The following EXOC1 variants were observed in gnomAD, a reference collection of about 807,000 sequenced individuals.
EXOC1 encodes the protein SEC3-like 1.
A neutral mutation model predicts 107.7 loss-of-function variants in EXOC1; 67 were observed. The ratio of observed to expected loss-of-function variants is 0.62; its 90% CI spans 0.51 to 0.76. The LOEUF is 0.76. Ranked by LOEUF, EXOC1 falls within the 30% of genes least tolerant of loss-of-function variation. The pLI is 0.00. For missense variants in EXOC1, 833 were observed against 1,055.7 expected (o/e 0.79, Z 2.92); for synonymous variants, 348 against 353.5 (o/e 0.98, Z 0.17).
At chr4:55,858,267 G>C in intron 1 of EXOC1, 47 bp from the exon 2 acceptor site, 1 of 1,507,130 alleles carries the variant, frequency 6.6e-7, no homozygotes. Context: ...GTATAAGATG[G>C]AATGATGTTG....
intron 1 of EXOC1, among the ~76,000 whole-genome samples, chr4:55,854,427 G>C (rs1720768473): frequency 6.6e-6 from 1 of 152,044 alleles, no homozygotes; most frequent in Non-Finnish European, 1.5e-5. Context: ...TCAGATATGG[G>C]TTCTCAGACC....
At chr4:55,894,809 A>G (rs559430657) in intron 15 of EXOC1, among the ~76,000 whole-genome samples, 2 of 151,898 alleles carry the variant, frequency 1.3e-5, no homozygotes, top group African/African-American at 4.8e-5. Context: ...TTTAGTAGAG[A>G]TGGGGTTTCT....
chr4:55,877,276 G>A, intron 8 of EXOC1: 1 of 985,320 alleles, frequency 1.0e-6, no homozygotes. Flanking sequence ...TTCACAAAAT[G>A]CTGACAAATA....
chr4:55,862,906 G>C (rs1457566609), intron 3 of EXOC1, among the ~76,000 whole-genome samples: 2 of 152,026 alleles, frequency 1.3e-5, no homozygotes, highest in Non-Finnish European at 2.9e-5. Context: ...TTGTTTGTCT[G>C]CTTGTTTGTT....
chr4:55,874,782 T>C (rs530597978), intron 8 of EXOC1, among the ~76,000 whole-genome samples: 10 of 152,174 alleles, frequency 6.6e-5, no homozygotes, highest in South Asian at 2.1e-4. Context: ...TTACATTTAC[T>C]AGGGATTTCT....
At chr4:55,857,209 G>A (rs1324389125) in intron 1 of EXOC1, among the ~76,000 whole-genome samples, 1 of 93,700 alleles carries the variant, frequency 1.1e-5, no homozygotes, top group Non-Finnish European at 2.0e-5. Context: ...GACAGAGTCT[G>A]GCTCTGTCTC....
Position 55,904,328 on chromosome 4 carries a change from T to G in EXOC1, c.2533-15T>G, listed in dbSNP as rs747336319. 1.9e-6 allele frequency: 3 copies of G among 1,578,534 alleles called. No individual in the cohort carries two copies. The highest frequency in any genetic ancestry group is 2.6e-6 in the Non-Finnish European group (3 of 1,164,954). ...TTTCCATTCATAGCCTAATGACTTT[T>G]TTTTTTAATAATAGGTGGTGTGGCA... On this transcript the variant is annotated splice_polypyrimidine_tract_variant and intron_variant, in intron 18 of 18. Coordinates refer to ENST00000381295, the MANE Select transcript of EXOC1 (RefSeq NM_001024924.2).
At chr4:55,857,155 A>G (rs1392385238) in intron 1 of EXOC1, among the ~76,000 whole-genome samples, 3 of 97,188 alleles carry the variant, frequency 3.1e-5, no homozygotes, top group African/African-American at 1.2e-4. Flanking sequence ...TCATTACTTC[A>G]TTTCCTTTTT....
chr4:55,876,005 T>G (rs1001404880), intron 8 of EXOC1: 1 of 978,210 alleles, frequency 1.0e-6, no homozygotes, highest in African/African-American at 1.8e-5. Context: ...TGTGATGCTG[T>G]AGAATCCTGA....
chr4:55,876,437 A>G (rs1418780870), intron 8 of EXOC1: 1 of 665,450 alleles, frequency 1.5e-6, no homozygotes, highest in African/African-American at 2.0e-5. Flanking sequence ...TGTTTTTGCA[A>G]CAAAAAATAT....
At chr4:55,866,742 T>A (rs984730761) in intron 4 of EXOC1, 1 of 414,480 alleles carries the variant, frequency 2.4e-6, no homozygotes, top group African/African-American at 2.2e-5. Context: ...TTGGCTGTCT[T>A]TTGAACTTTA....
intron 7 of EXOC1, 85 bp downstream of exon 7, chr4:55,871,318 C>T (rs993835016): frequency 6.7e-7 from 1 of 1,482,418 alleles, no homozygotes; most frequent in African/African-American, 1.4e-5. Flanking sequence ...ACAAGAAATA[C>T]ATGAGACAAG....
intron 1 of EXOC1, among the ~76,000 whole-genome samples, chr4:55,857,330 C>T (rs2110304124): frequency 6.6e-6 from 1 of 151,740 alleles, no homozygotes; most frequent in East Asian, 1.9e-4. Flanking sequence ...CAGGCACCCA[C>T]CACCATGCCC....
At position 55,883,890 on chromosome 4, in the gene EXOC1, T is replaced by TC; in HGVS notation, c.1293dup (p.Lys432GlnfsTer7). ...AAAGATTTCTTTGAAGTTGCAAAGA[T>TC]CAAGATGACTGGCACAACTAAAGAA... is the stretch of plus-strand genomic sequence containing the variant. On this transcript the variant is annotated frameshift_variant, in exon 10 of 19. Coordinates refer to ENST00000381295, the MANE Select transcript of EXOC1 (RefSeq NM_001024924.2). LOFTEE classifies it high-confidence loss of function. The TC allele has an allele frequency of 6.2e-7, 1 of 1,607,840 alleles. No homozygotes were observed. The highest frequency in any genetic ancestry group is 8.5e-7 in the Non-Finnish European group (1 of 1,177,964).
At chr4:55,896,381 C>T (rs994098107) in intron 15 of EXOC1, among the ~76,000 whole-genome samples, 2 of 152,022 alleles carry the variant, frequency 1.3e-5, no homozygotes, top group African/African-American at 2.4e-5. Context: ...TGGCCTCAAG[C>T]GATCCACCCA....
At chr4:55,876,455 C>A in intron 8 of EXOC1, 2 of 619,058 alleles carry the variant, frequency 3.2e-6, no homozygotes, top group Non-Finnish European at 4.0e-6. Context: ...TATGAATAGT[C>A]ACTCTAAGCA....
intron 16 of EXOC1, 67 bp downstream of exon 16, chr4:55,896,967 C>A (rs1257407549): frequency 2.8e-5 from 37 of 1,319,624 alleles, no homozygotes; most frequent in Non-Finnish European, 3.6e-5. Flanking sequence ...ACTAAGAAAT[C>A]GGGAGCAGAT....
chr4:55,865,651 C>T (rs929760136), intron 4 of EXOC1, among the ~76,000 whole-genome samples: 1 of 152,072 alleles, frequency 6.6e-6, no homozygotes, highest in Non-Finnish European at 1.5e-5. Context: ...GCTGTTCTGT[C>T]TTCAAATATT....
In EXOC1 at chr4:55,891,430, T is replaced by A; in HGVS notation, c.1647+8T>A. ...AGTATGCCTGGAACTATGGTATGGCTCACAGTGTATTTTGGATAGTATTTA... is the reference window on the plus strand; with the variant it reads ...AGTATGCCTGGAACTATGGTATGGCACACAGTGTATTTTGGATAGTATTTA... On this transcript the variant is annotated splice_region_variant and intron_variant, in intron 13 of 18. Transcript: ENST00000381295. The A allele has an allele frequency of 6.5e-7, 1 of 1,545,346 alleles. No individual in the cohort carries two copies. Among genetic ancestry groups the A allele is most frequent in the Non-Finnish European group, 8.9e-7 (1 of 1,117,598 alleles).
Sources: gnomAD v4.1 joint callset for allele counts (sites outside exome capture counted in the v4.1 genomes callset) on GRCh38, gnomAD v4.1.1 for gene constraint, MANE v1.5 for transcripts, NCBI Gene and HGNC (gene_info 2026-07-23, HGNC 2026-07-21) for gene names.